Variants in CFAP61 observed in about 807,000 individuals in gnomAD.
CFAP61 encodes the protein cilia and flagella associated protein 61.
In CFAP61, 107 loss-of-function variants were observed where a neutral mutation model predicts 135.6. The observed-to-expected ratio is 0.79, with a 90% confidence interval of 0.67 to 0.93. CFAP61 has a LOEUF of 0.93. Among genes scored for constraint, CFAP61 ranks in the 40% least tolerant of loss-of-function variants. The pLI is 0.00. For synonymous variants in CFAP61, 575 were observed against 578.5 expected, an observed-to-expected ratio of 0.99 and a Z score of 0.09; for missense variants, 1,507 against 1,556.2, an observed-to-expected ratio of 0.97 and a Z score of 0.53.
intron 17 of CFAP61, chr20:20,220,061 G>A (rs1246352910): frequency 2.0e-5 from 3 of 152,336 alleles, no homozygotes; most frequent in Admixed American, 2.0e-4. Flanking sequence ...TAAGGAAGGG[G>A]GCTGGTTGCC....
intron 17 of CFAP61, chr20:20,220,970 G>T (rs759693473): frequency 1.3e-5 from 2 of 152,176 alleles, no homozygotes; most frequent in African/African-American, 2.4e-5. Flanking sequence ...ATTACTTGTA[G>T]AACAATGCAA....
intron 22 of CFAP61, among the ~76,000 whole-genome samples, chr20:20,283,925 A>C (rs1368259735): frequency 6.6e-6 from 1 of 152,246 alleles, no homozygotes; most frequent in East Asian, 1.9e-4. Context: ...CCCACTGAGC[A>C]TGATCTCCCT....
At chr20:20,244,317 C>G (rs550866072) in intron 18 of CFAP61, among the ~76,000 whole-genome samples, 3 of 152,206 alleles carry the variant, frequency 2.0e-5, no homozygotes, top group Non-Finnish European at 2.9e-5. Context: ...AGAGCCCTGC[C>G]CCTGCGGCAA....
intron 24 of CFAP61, among the ~76,000 whole-genome samples, chr20:20,295,528 C>CG (rs35110099): frequency 1.3e-5 from 2 of 152,114 alleles, no homozygotes; most frequent in Non-Finnish European, 2.9e-5. Flanking sequence ...CTTACTGTGA[C>CG]GGGGACATGT....
chr20:20,068,600 G>C (rs1301989216), intron 2 of CFAP61, among the ~76,000 whole-genome samples: 1 of 152,190 alleles, frequency 6.6e-6, no homozygotes, highest in Non-Finnish European at 1.5e-5. Flanking sequence ...CCTTTGAGAA[G>C]GGACAGTGGC....
At position 20,354,994 on chromosome 20, in the gene CFAP61, GAGGGGAGA is replaced by G. The variant is rs2059016080; in HGVS notation, c.3514-5215_3514-5208del. Among the ~76,000 whole-genome samples, 14 of 146,398 alleles carry G rather than the reference GAGGGGAGA, an allele frequency of 9.6e-5. 1 individual carries two copies. Among genetic ancestry groups the G allele is most frequent in the East Asian group, 2.1e-4 (1 of 4,668 alleles). ...CTGTGAGAGGGGAGGTGGTCACACT[GAGGGGAGA>G]TGGTCACACTGCAAGAGGGGAGGTG... On this transcript the variant is annotated intron_variant, in intron 26 of 26. Transcript: ENST00000245957.
At chr20:20,066,866 A>G in intron 2 of CFAP61, among the ~76,000 whole-genome samples, 1 of 152,176 alleles carries the variant, frequency 6.6e-6, no homozygotes, top group Non-Finnish European at 1.5e-5. Context: ...AACTAATATG[A>G]TTTGATAGTA....
At chr20:20,183,771 T>C (rs2146857424) in intron 13 of CFAP61, among the ~76,000 whole-genome samples, 1 of 152,348 alleles carries the variant, frequency 6.6e-6, no homozygotes, top group African/African-American at 2.4e-5. Context: ...AGTGGATATT[T>C]TATTCTTACA....
intron 24 of CFAP61, among the ~76,000 whole-genome samples, chr20:20,296,489 CTCCT>C (rs2055630642): frequency 6.8e-6 from 1 of 147,404 alleles, no homozygotes; most frequent in African/African-American, 2.5e-5. Flanking sequence ...TCCTCCCTCC[CTCCT>C]TCCTTCTTTA....
At chr20:20,065,488 T>C (rs554625020) in intron 2 of CFAP61, among the ~76,000 whole-genome samples, 41 of 152,248 alleles carry the variant, frequency 2.7e-4, no homozygotes, top group African/African-American at 2.9e-4. Flanking sequence ...TAAATTTTCA[T>C]TGATGTCCTG....
intron 6 of CFAP61, 94 bp downstream of exon 6, chr20:20,075,709 C>A: frequency 7.0e-7 from 1 of 1,422,902 alleles, no homozygotes; most frequent in Non-Finnish European, 9.6e-7. Flanking sequence ...GTGACTATAG[C>A]TTAGATCAAA....
At chr20:20,326,069 T>C (rs961270718) in intron 25 of CFAP61, among the ~76,000 whole-genome samples, 5 of 152,224 alleles carry the variant, frequency 3.3e-5, no homozygotes, top group African/African-American at 4.8e-5. Flanking sequence ...TGGCTGGGAT[T>C]ACAGGGACAT....
intron 15 of CFAP61, among the ~76,000 whole-genome samples, chr20:20,196,036 G>A (rs767882659): frequency 1.9e-4 from 29 of 152,230 alleles, no homozygotes; most frequent in African/African-American, 4.1e-4. Flanking sequence ...AGCGAAGATC[G>A]CGCCAGTGTA....
chr20:20,277,102 G>T, intron 21 of CFAP61, 64 bp from the exon 22 acceptor site: 1 of 1,299,576 alleles, frequency 7.7e-7, no homozygotes, highest in Middle Eastern at 2.1e-4. Flanking sequence ...GGCATTATTA[G>T]CATTTGACTA....
intron 2 of CFAP61, among the ~76,000 whole-genome samples, chr20:20,062,803 G>A (rs2044906028): frequency 6.6e-6 from 1 of 152,158 alleles, no homozygotes; most frequent in South Asian, 2.1e-4. Flanking sequence ...AAATATTATT[G>A]AATTCCACCC....
chr20:20,194,876 A>G (rs1277275135), intron 15 of CFAP61, among the ~76,000 whole-genome samples: 6 of 152,206 alleles, frequency 3.9e-5, no homozygotes, highest in Admixed American at 3.9e-4. Context: ...TCATTACACC[A>G]AAAATAATTT....
intron 22 of CFAP61, among the ~76,000 whole-genome samples, chr20:20,285,685 A>G (rs935963716): frequency 2.6e-5 from 4 of 152,160 alleles, no homozygotes; most frequent in African/African-American, 9.7e-5. Flanking sequence ...TGGGAGGCCA[A>G]GGTAGGTGGA....
At chr20:20,140,424 A>G (rs2051293628) in intron 8 of CFAP61, among the ~76,000 whole-genome samples, 1 of 57,020 alleles carries the variant, frequency 1.8e-5, no homozygotes, top group Non-Finnish European at 3.7e-5. Context: ...TTTCCCACCT[A>G]TGAGTGAGAA....
At chr20:20,080,821 G>T (rs2046380265) in intron 6 of CFAP61, among the ~76,000 whole-genome samples, 1 of 151,974 alleles carries the variant, frequency 6.6e-6, no homozygotes, top group African/African-American at 2.4e-5. Flanking sequence ...GGCCAACATG[G>T]TGAAACCCCG....
Sources: gnomAD v4.1 joint callset for allele counts (sites outside exome capture counted in the v4.1 genomes callset) on GRCh38, gnomAD v4.1.1 for gene constraint, MANE v1.5 for transcripts, NCBI Gene and HGNC (gene_info 2026-07-23, HGNC 2026-07-21) for gene names.